Variants in PEAK1 observed in about 807,000 individuals in gnomAD.
PEAK1 encodes inactive tyrosine-protein kinase PEAK1.
In PEAK1, 54 loss-of-function variants were observed where a neutral mutation model predicts 124.7. The observed-to-expected ratio is 0.43, with a 90% CI of 0.35 to 0.54. The LOEUF (loss-of-function observed/expected upper bound fraction) is 0.54. PEAK1 is among the 20% of genes least tolerant of loss of function. The pLI, the probability that PEAK1 is intolerant of heterozygous loss-of-function variation, is 0.01. For synonymous variants in PEAK1, 719 were observed against 760.0 expected (o/e 0.95, Z 0.89); for missense variants, 2,046 against 2,134.5 (o/e 0.96, Z 0.82).
chr15:77,337,436 AT>A, intron 2 of PEAK1: 1 of 967,810 alleles, frequency 1.0e-6, no homozygotes, highest in Non-Finnish European at 1.2e-6. Flanking sequence ...GAATTTGATG[AT>A]TTCTCTGAAA....
rs1250456041 is a variant in PEAK1, at chr15:77,114,954, C to A, written c.4443G>T (p.Gln1481His). The change falls in exon 10 of 10, where the codon CAG (glutamine) becomes CAT (histidine). Residue 1481 changes from glutamine (Q) to histidine (H), a missense_variant. Physicochemically the swap from Gln to His is conservative, Grantham distance 24 (BLOSUM62 0). Coordinates refer to ENST00000682557, the MANE Select transcript of PEAK1 (RefSeq NM_001385026.1). ...CATACAAATCAGGGCTTTTCCCATGCTGGGCCAGAGAGTCTCGCACAAAAT... is the reference window on the plus strand; with the variant it reads ...CATACAAATCAGGGCTTTTCCCATGATGGGCCAGAGAGTCTCGCACAAAAT... Reference protein sequence around the residue: ...VADFVRDSLAQHGKSPDLYER... With the variant: ...VADFVRDSLAHHGKSPDLYER... 1 of 1,614,120 alleles carries A rather than the reference C, an allele frequency of 6.2e-7. No individual in the cohort carries two copies. The highest frequency in any genetic ancestry group is 8.5e-7 in the Non-Finnish European group (1 of 1,180,022).
At chr15:77,124,479 T>C (rs1164528899) in intron 9 of PEAK1, among the ~76,000 whole-genome samples, 1 of 152,226 alleles carries the variant, frequency 6.6e-6, no homozygotes, top group East Asian at 1.9e-4. Context: ...GGCATCACCA[T>C]TCTCTTGGAG....
chr15:77,139,709 A>T (rs1169453359), intron 8 of PEAK1, among the ~76,000 whole-genome samples: 2 of 152,244 alleles, frequency 1.3e-5, no homozygotes, highest in African/African-American at 4.8e-5. Flanking sequence ...TATATATTGC[A>T]AACTCAAGGA....
At chr15:77,150,454 A>C (rs1451102924) in intron 8 of PEAK1, among the ~76,000 whole-genome samples, 4 of 151,918 alleles carry the variant, frequency 2.6e-5, no homozygotes, top group Non-Finnish European at 5.9e-5. Flanking sequence ...GCAATGCTTT[A>C]TTTTTTTTCT....
At chr15:77,191,123 T>C (rs1416520698) in intron 6 of PEAK1, among the ~76,000 whole-genome samples, 1 of 152,206 alleles carries the variant, frequency 6.6e-6, no homozygotes, top group African/African-American at 2.4e-5. Context: ...GTTTGAAAAG[T>C]AGTGCTTAAA....
intron 1 of PEAK1, among the ~76,000 whole-genome samples, chr15:77,386,305 C>T (rs2069931974): frequency 6.6e-6 from 1 of 152,090 alleles, no homozygotes; most frequent in Non-Finnish European, 1.5e-5. Context: ...AATGAGCATC[C>T]CAAGTATTCC....
chr15:77,167,884 C>T (rs1486572883), intron 7 of PEAK1, among the ~76,000 whole-genome samples: 1 of 152,148 alleles, frequency 6.6e-6, no homozygotes, highest in East Asian at 1.9e-4. Context: ...CTATCCCTCC[C>T]CCATGCCCCC....
At chr15:77,238,324 T>G (rs2060211545) in intron 6 of PEAK1, among the ~76,000 whole-genome samples, 1 of 152,154 alleles carries the variant, frequency 6.6e-6, no homozygotes, top group Admixed American at 6.5e-5. Flanking sequence ...TTTCTGTCTA[T>G]CCTCAGTGTC....
At chr15:77,104,349 T>C (rs956354872), downstream of PEAK1, 1 of 152,686 alleles carries the variant, frequency 6.5e-6, no homozygotes. Context: ...GCTAAAGCCA[T>C]GGCCTCCCTG....
intron 9 of PEAK1, among the ~76,000 whole-genome samples, chr15:77,132,626 C>T (rs1019945666): frequency 9.0e-5 from 13 of 144,392 alleles, no homozygotes; most frequent in Non-Finnish European, 1.8e-4. Flanking sequence ...ACCTGGGAGG[C>T]GGAGGTTGCA....
chr15:77,128,011 G>A (rs2052535490), intron 9 of PEAK1, among the ~76,000 whole-genome samples: 1 of 151,806 alleles, frequency 6.6e-6, no homozygotes, highest in African/African-American at 2.4e-5. Context: ...CCTGGAAGGT[G>A]GAGGCTGCAG....
At chr15:77,132,244 C>T (rs1173334595) in intron 9 of PEAK1, among the ~76,000 whole-genome samples, 1 of 151,854 alleles carries the variant, frequency 6.6e-6, no homozygotes, top group Non-Finnish European at 1.5e-5. Flanking sequence ...CTACATTTGG[C>T]TAATTTTTTC....
intron 6 of PEAK1, among the ~76,000 whole-genome samples, chr15:77,213,071 A>G (rs1413508179): frequency 6.6e-6 from 1 of 152,244 alleles, no homozygotes; most frequent in Non-Finnish European, 1.5e-5. Context: ...AGATGAATGT[A>G]TTCTGAAAGC....
intron 2 of PEAK1, chr15:77,352,313 C>G: frequency 3.0e-6 from 3 of 985,308 alleles, no homozygotes; most frequent in Non-Finnish European, 2.4e-6. Flanking sequence ...AGGGCCAAAT[C>G]GAAGTGCCTT....
At chr15:77,406,372 T>C (rs1243897213) in intron 1 of PEAK1, among the ~76,000 whole-genome samples, 1 of 152,204 alleles carries the variant, frequency 6.6e-6, no homozygotes, top group African/African-American at 2.4e-5. Flanking sequence ...ATCATATACC[T>C]GGAAAACCCT....
At chr15:77,294,411 A>G (rs1399582995) in intron 2 of PEAK1, among the ~76,000 whole-genome samples, 2 of 152,250 alleles carry the variant, frequency 1.3e-5, no homozygotes, top group Non-Finnish European at 2.9e-5. Context: ...ATGAAATAAT[A>G]TACCATTTTA....
At chr15:77,279,595 C>T (rs1281666620) in intron 5 of PEAK1, among the ~76,000 whole-genome samples, 2 of 152,078 alleles carry the variant, frequency 1.3e-5, no homozygotes, top group Non-Finnish European at 1.5e-5. Context: ...AGGATCGGCT[C>T]GTGAAAAGTT....
At chr15:77,185,616 G>A (rs925804012) in intron 6 of PEAK1, among the ~76,000 whole-genome samples, 2 of 152,214 alleles carry the variant, frequency 1.3e-5, no homozygotes, top group African/African-American at 4.8e-5. Flanking sequence ...GGTGGGGATG[G>A]AAACCAGACT....
In PEAK1 at chr15:77,113,394, C is replaced by T. The variant is rs1414677372; in HGVS notation, c.*762G>A. 6.6e-6 allele frequency: 1 copy of T among 152,334 alleles called. No individual in the cohort carries two copies. Among genetic ancestry groups the T allele is most frequent in the African/African-American group, 2.4e-5 (1 of 41,466 alleles). 9.4% of individuals were successfully genotyped at this position (152,334 alleles called of 1,614,324 possible). ...CCTGCTGAGGCATTGGTGACACCAC[C>T]TTGGGTCAGCTCTGTAATGGGCCAC... On this transcript the variant is annotated 3_prime_UTR_variant, in exon 10 of 10. Transcript: ENST00000682557.
Sources: gnomAD v4.1 joint callset for allele counts (sites outside exome capture counted in the v4.1 genomes callset) on GRCh38, gnomAD v4.1.1 for gene constraint, MANE v1.5 for transcripts, NCBI Gene and HGNC (gene_info 2026-07-23, HGNC 2026-07-21) for gene names.